Variants in SUN3 observed in about 807,000 individuals in gnomAD.
The protein encoded by SUN3 is SUN domain-containing protein 3.
In SUN3, 36 loss-of-function variants were observed where a neutral mutation model predicts 48.2. The ratio of observed to expected loss-of-function variants is 0.75; its 90% CI spans 0.57 to 0.99. SUN3 has a LOEUF of 0.99. SUN3 is among the 50% of genes least tolerant of loss of function. SUN3 has a pLI of 0.00. For synonymous variants in SUN3, 148 were observed against 147.9 expected (o/e 1.00, Z 0.00); for missense variants, 419 against 433.1 (o/e 0.97, Z 0.29).
At chr7:48,020,170 A>G (rs577503954) in intron 2 of SUN3, among the ~76,000 whole-genome samples, 17 of 152,258 alleles carry the variant, frequency 1.1e-4, no homozygotes, top group African/African-American at 4.1e-4. Flanking sequence ...AAATCAATCA[A>G]TGTGATACAC....
At chr7:47,988,709 G>A (rs192784252) in intron 9 of SUN3, 79 bp downstream of exon 9, 68 of 791,754 alleles carry the variant, frequency 8.6e-5, no homozygotes, top group East Asian at 7.9e-4. Flanking sequence ...ATTCTCATAC[G>A]TCACTTTACA....
At chr7:48,011,328 C>G (rs563739078) in intron 3 of SUN3, among the ~76,000 whole-genome samples, 11 of 152,186 alleles carry the variant, frequency 7.2e-5, no homozygotes, top group Non-Finnish European at 1.6e-4. Context: ...TAGTGCTATA[C>G]TATAAATGTG....
At chr7:47,998,990 C>T (rs1789287014) in intron 6 of SUN3, among the ~76,000 whole-genome samples, 1 of 152,152 alleles carries the variant, frequency 6.6e-6, no homozygotes, top group Admixed American at 6.5e-5. Context: ...GTTCCTTCAC[C>T]ATTCCACATA....
At chr7:47,991,096 C>A (rs1037148923) in intron 8 of SUN3, 5 of 450,308 alleles carry the variant, frequency 1.1e-5, no homozygotes, top group South Asian at 3.2e-5. Context: ...ACAAAACAAA[C>A]CAAAAAAACG....
intron 9 of SUN3, among the ~76,000 whole-genome samples, chr7:47,988,529 C>T (rs1788961785): frequency 6.6e-6 from 1 of 151,990 alleles, no homozygotes; most frequent in Non-Finnish European, 1.5e-5. Context: ...AAGAAAGAAC[C>T]AAGAAATTAA....
chr7:47,990,316 T>A (rs1789018093), intron 8 of SUN3, among the ~76,000 whole-genome samples: 3 of 152,204 alleles, frequency 2.0e-5, no homozygotes, highest in Admixed American at 2.0e-4. Context: ...TTTATGTATA[T>A]GCACATCAAA....
intron 9 of SUN3, 127 bp from the exon 10 acceptor site, chr7:47,987,576 C>T (rs903368573): frequency 1.2e-5 from 11 of 926,040 alleles, no homozygotes; most frequent in Non-Finnish European, 1.5e-5. Flanking sequence ...CTCTGTCACA[C>T]AGGCTGGAAT....
intron 5 of SUN3, among the ~76,000 whole-genome samples, chr7:48,006,920 GAAAA>G (rs1238079226): frequency 3.3e-5 from 5 of 152,052 alleles, no homozygotes; most frequent in Non-Finnish European, 7.4e-5. Flanking sequence ...TCTTTTACTG[GAAAA>G]TAGAACAGTT....
chr7:48,016,794 A>AT (rs1789826774), intron 3 of SUN3, among the ~76,000 whole-genome samples: 2 of 152,180 alleles, frequency 1.3e-5, no homozygotes, highest in Non-Finnish European at 2.9e-5. Context: ...AGCCTGGGTA[A>AT]TTTATAAACA....
chr7:48,026,236 T>A (rs1021934041), intron 1 of SUN3, among the ~76,000 whole-genome samples: 1 of 152,018 alleles, frequency 6.6e-6, no homozygotes, highest in African/African-American at 2.4e-5. Flanking sequence ...CTTAAAATAC[T>A]TATAAGAAAA....
At chr7:47,993,836 AC>A (rs1485117665) in intron 8 of SUN3, among the ~76,000 whole-genome samples, 1 of 152,120 alleles carries the variant, frequency 6.6e-6, no homozygotes, top group Non-Finnish European at 1.5e-5. Flanking sequence ...ATCTCCAGAA[AC>A]CTGTTTTGTT....
At chr7:47,987,540 T>C (rs1788934830) in intron 9 of SUN3, 91 bp from the exon 10 acceptor site, 1 of 325,488 alleles carries the variant, frequency 3.1e-6, no homozygotes, top group East Asian at 6.1e-5. Context: ...AATTATATAC[T>C]TTTTTTTTTT....
chr7:48,001,069 T>C (rs7791572), intron 6 of SUN3, among the ~76,000 whole-genome samples: 66,962 of 151,948 alleles, frequency 0.44, 15,100 homozygotes, highest in Middle Eastern at 0.56. Flanking sequence ...TTTTGATCTA[T>C]CTTCAACTTC....
chr7:47,993,550 C>A (rs1054857047), intron 8 of SUN3, among the ~76,000 whole-genome samples: 2 of 152,014 alleles, frequency 1.3e-5, no homozygotes. Context: ...GTTAAAGAAG[C>A]CATTCACAAA....
chr7:48,013,730 T>A (rs899659690), intron 3 of SUN3, among the ~76,000 whole-genome samples: 2 of 152,160 alleles, frequency 1.3e-5, no homozygotes, highest in Admixed American at 6.5e-5. Flanking sequence ...ACTGGCTGAG[T>A]GCAGCGTTTC....
At chr7:48,035,221 T>C in the SUN3 span, among the ~76,000 whole-genome samples, 1 of 152,186 alleles carries the variant, frequency 6.6e-6, no homozygotes, top group East Asian at 1.9e-4. The surrounding 1 kb of genome is among the most constrained non-coding windows in gnomAD (Gnocchi z 4.0). Context: ...TGAGGAGGAC[T>C]GAGGCCTGAC....
At chr7:47,994,532 T>A in intron 7 of SUN3, 50 bp from the exon 8 acceptor site, 2 of 1,534,716 alleles carry the variant, frequency 1.3e-6, no homozygotes, top group Non-Finnish European at 1.7e-6. Context: ...GTGAATCCAT[T>A]CCCACAATAC....
At chr7:48,020,324 A>G (rs746244196) in intron 2 of SUN3, among the ~76,000 whole-genome samples, 4 of 152,160 alleles carry the variant, frequency 2.6e-5, no homozygotes, top group Non-Finnish European at 4.4e-5. Flanking sequence ...ACGTAATAAA[A>G]GCCATGAATG....
chr7:48,004,851 G>A (rs1562604445), intron 6 of SUN3, among the ~76,000 whole-genome samples: 1 of 152,208 alleles, frequency 6.6e-6, no homozygotes, highest in East Asian at 1.9e-4. Flanking sequence ...TCTACCAACT[G>A]CCTGCTTTGT....
Sources: allele counts gnomAD v4.1 joint callset (sites outside exome capture counted in the v4.1 genomes callset), GRCh38; gene constraint gnomAD v4.1.1; non-coding constraint Gnocchi (gnomAD v3.1); transcripts MANE v1.5; gene names NCBI Gene and HGNC (gene_info 2026-07-23, HGNC 2026-07-21).